COL4A1: variants seen among roughly 807,000 people sequenced by gnomAD.
COL4A1 encodes collagen alpha-1(IV) chain.
Under a neutral mutation model 216.6 loss-of-function variants are expected in COL4A1, and 40 were observed. The ratio of observed to expected loss-of-function variants is 0.18; its 90% confidence interval spans 0.14 to 0.24. The LOEUF (loss-of-function observed/expected upper bound fraction) is 0.24. COL4A1 is among the 10% of genes least tolerant of loss of function. The probability of loss-of-function intolerance (pLI) is 1.00; values close to 1 mark genes in which losing one functional copy is unlikely to be tolerated. For synonymous variants in COL4A1, 839 were observed against 810.7 expected (o/e 1.03, Z -0.59); for missense variants, 1,628 against 2,196.8 (o/e 0.74, Z 5.18).
intron 2 of COL4A1, among the ~76,000 whole-genome samples, chr13:110,221,318 A>G (rs1484483641): frequency 6.6e-6 from 1 of 152,248 alleles, no homozygotes; most frequent in Non-Finnish European, 1.5e-5. Context: ...CACTTTGCAC[A>G]TCAGCTTAAA....
chr13:110,155,755 AC>A (rs1357245575), intron 49 of COL4A1, among the ~76,000 whole-genome samples: 6 of 152,212 alleles, frequency 3.9e-5, no homozygotes, highest in Non-Finnish European at 8.8e-5. Context: ...TACTAAAAAT[AC>A]AAAAAATTAG....
chr13:110,177,893 G>T lies in COL4A1; in HGVS notation c.2665C>A (p.Gln889Lys). 4 of 1,614,162 alleles carry T rather than the reference G, an allele frequency of 2.5e-6. No individual in the cohort carries two copies. The highest frequency in any genetic ancestry group is 3.4e-6 in the Non-Finnish European group (4 of 1,180,040). The change falls in exon 33 of 52, where the codon CAG becomes AAG. Residue 889 changes from glutamine (Q) to lysine (K), a missense_variant. Transcript: ENST00000375820. ...CCCACTGGTCCTGGTGAGCCCGGCTGCCCGGGGGTCCCCATGACGCCCATT... is the reference window on the plus strand; with the variant it reads ...CCCACTGGTCCTGGTGAGCCCGGCTTCCCGGGGGTCCCCATGACGCCCATT... ...GEMGVMGTPG[Q>K]PGSPGPVGAP...
In COL4A1 at chr13:110,288,610, A is replaced by C. The variant is rs76145294; in HGVS notation, c.84+18334T>G. Reference sequence around the variant, plus strand: ...AAATGTATGTCATTTGAAATGAAATAATGAACACTGATTAACCCTGACAAT... The same window carrying C: ...AAATGTATGTCATTTGAAATGAAATCATGAACACTGATTAACCCTGACAAT... On this transcript the variant is annotated intron_variant, in intron 1 of 51. Transcript: ENST00000375820. Among the ~76,000 whole-genome samples the C allele has an allele frequency of 2.1e-3, 318 of 152,362 alleles. 8 individuals are homozygous for C. In the East Asian group the frequency reaches 0.05, roughly 24 times the overall value.
chr13:110,211,211 C>G lies in COL4A1; in HGVS notation c.468+436G>C, dbSNP rs1371897493. Among the ~76,000 whole-genome samples the G allele has an allele frequency of 1.3e-5, 2 of 152,210 alleles. No individual in the cohort carries two copies. Among genetic ancestry groups the G allele is most frequent in the Non-Finnish European group, 2.9e-5 (2 of 68,034 alleles). On this transcript the variant is annotated intron_variant, in intron 8 of 51. Transcript: ENST00000375820. The surrounding 1 kb of genome is among the most constrained non-coding windows in gnomAD (Gnocchi z 4.3). ...ATGCCCGAGGTCCCCGCCCTGTGCCCAAGCACAGCCGACACATTACATGAC... is the reference window on the plus strand; with the variant it reads ...ATGCCCGAGGTCCCCGCCCTGTGCCGAAGCACAGCCGACACATTACATGAC...
intron 11 of COL4A1, 62 bp from the exon 12 acceptor site, chr13:110,208,952 C>T: frequency 6.7e-7 from 1 of 1,496,024 alleles, no homozygotes; most frequent in African/African-American, 1.4e-5. Context: ...AGTCATTCTA[C>T]AAACCTCACA....
intron 51 of COL4A1, among the ~76,000 whole-genome samples, chr13:110,151,505 G>C (rs991028895): frequency 5.3e-5 from 8 of 152,204 alleles, no homozygotes; most frequent in Middle Eastern, 3.2e-3. Flanking sequence ...TAACGAATTA[G>C]AGAAGCGTGT....
chr13:110,174,807 G>C, intron 37 of COL4A1, 58 bp from the exon 38 acceptor site: 1 of 1,485,640 alleles, frequency 6.7e-7, no homozygotes, highest in Non-Finnish European at 9.4e-7. Flanking sequence ...TGCATCTGTA[G>C]GCATGTTATA....
intron 31 of COL4A1, 97 bp downstream of exon 31, chr13:110,178,826 G>T: frequency 1.1e-6 from 1 of 886,980 alleles, no homozygotes; most frequent in Non-Finnish European, 1.8e-6. Context: ...CTCATACATT[G>T]TGCTAAGCTT....
chr13:110,211,802 A>C lies in COL4A1; in HGVS notation c.441+67T>G. On this transcript the variant is annotated intron_variant, in intron 7 of 51. Coordinates refer to ENST00000375820, the MANE Select transcript of COL4A1 (RefSeq NM_001845.6). The surrounding 1 kb of genome is among the most constrained non-coding windows in gnomAD (Gnocchi z 4.3). ...ATAAGCAAAGAAAGAAAGAAAAGGA[A>C]ATGGAATGAAAAGAGAGAAGTCATA... 1 of 1,558,952 alleles carries C rather than the reference A, an allele frequency of 6.4e-7. No individual in the cohort carries two copies. The highest frequency in any genetic ancestry group is 8.8e-7 in the Non-Finnish European group (1 of 1,133,628).
chr13:110,241,493 C>T (rs944584419), intron 2 of COL4A1, among the ~76,000 whole-genome samples: 2 of 152,132 alleles, frequency 1.3e-5, no homozygotes, highest in Non-Finnish European at 2.9e-5. Flanking sequence ...AGGTTTTTAA[C>T]AAAATGTCTG....
intron 1 of COL4A1, among the ~76,000 whole-genome samples, chr13:110,290,334 T>C (rs1884036752): frequency 2.0e-5 from 3 of 152,348 alleles, no homozygotes; most frequent in African/African-American, 7.2e-5. Context: ...ACACAATCTG[T>C]GCAGCATTCG....
At chr13:110,247,859 G>C (rs1205530993) in intron 1 of COL4A1, among the ~76,000 whole-genome samples, 1 of 149,470 alleles carries the variant, frequency 6.7e-6, no homozygotes, top group African/African-American at 2.5e-5. Context: ...GAGGGAGGGA[G>C]GGAGGGGAGA....
At chr13:110,182,454 T>C (rs1395296055) in intron 28 of COL4A1, among the ~76,000 whole-genome samples, 2 of 152,290 alleles carry the variant, frequency 1.3e-5, no homozygotes, top group East Asian at 3.9e-4. Flanking sequence ...AGGTCTGTGA[T>C]GACAAGTGTG....
chr13:110,274,399 A>G (rs1883359247), intron 1 of COL4A1, among the ~76,000 whole-genome samples: 1 of 152,164 alleles, frequency 6.6e-6, no homozygotes, highest in African/African-American at 2.4e-5. Flanking sequence ...GTATAATTCA[A>G]AGAGAAACAG....
At chr13:110,252,862 T>C (rs1882218691) in intron 1 of COL4A1, among the ~76,000 whole-genome samples, 1 of 115,918 alleles carries the variant, frequency 8.6e-6, no homozygotes, top group Non-Finnish European at 1.7e-5. Flanking sequence ...TACGTATGTA[T>C]TACATATACA....
Position 110,161,141 on chromosome 13 carries a change from G to C in COL4A1, c.4640+51C>G, listed in dbSNP as rs3825480. The C allele has an allele frequency of 3.2e-6, 5 of 1,573,474 alleles. No individual in the cohort carries two copies. In the African/African-American group the frequency reaches 4.0e-5, roughly 13 times the overall value. On this transcript the variant is annotated intron_variant, in intron 49 of 51. Transcript: ENST00000375820. ...AGAAAACATATGCTTGTCCAGACTA[G>C]AGACTTTTCCTCTTCAATTTTGCAT...
rs189780918 is a variant in COL4A1 at position 110,263,435 on chromosome 13, G to A, written c.85-20701C>T. Among the ~76,000 whole-genome samples the A allele has an allele frequency of 3.1e-3, 479 of 152,274 alleles. 2 individuals are homozygous for A. Among genetic ancestry groups the A allele is most frequent in the African/African-American group, 0.01 (416 of 41,554 alleles). Reference sequence around the variant, plus strand: ...TTGAAAGATGCATTAAAATGAGCAAGCTGCGTATTATTCTTATTATTATTT... The same window carrying A: ...TTGAAAGATGCATTAAAATGAGCAAACTGCGTATTATTCTTATTATTATTT... On this transcript the variant is annotated intron_variant, in intron 1 of 51. Coordinates refer to ENST00000375820, the MANE Select transcript of COL4A1 (RefSeq NM_001845.6).
intron 15 of COL4A1, among the ~76,000 whole-genome samples, chr13:110,205,864 A>T (rs1453184627): frequency 6.6e-6 from 1 of 151,528 alleles, no homozygotes. Flanking sequence ...CTCTGTCTCA[A>T]ATATATATAT....
rs1446051394 is a variant in COL4A1 at position 110,246,156 on chromosome 13, AC to A, written c.85-3423del. 1.8e-3 allele frequency among the ~76,000 whole-genome samples: 275 copies of A among 150,406 alleles called. 2 individuals are homozygous for A. Among genetic ancestry groups the A allele is most frequent in the African/African-American group, 6.3e-3 (256 of 40,794 alleles). ...TAAATGGTTTTGTTAAAAAAAAAAA[AC>A]AAAAAAGCTAGCCTTTAGAATGACA... On this transcript the variant is annotated intron_variant, in intron 1 of 51. Coordinates refer to ENST00000375820, the MANE Select transcript of COL4A1 (RefSeq NM_001845.6).
Sources: gnomAD v4.1 joint callset for allele counts (sites outside exome capture counted in the v4.1 genomes callset) on GRCh38, gnomAD v4.1.1 for gene constraint, Gnocchi (gnomAD v3.1) non-coding constraint, MANE v1.5 for transcripts, NCBI Gene and HGNC (gene_info 2026-07-23, HGNC 2026-07-21) for gene names.